The following SUSD1 variants were observed in gnomAD, a reference collection of about 807,000 sequenced individuals.
The protein encoded by SUSD1 is sushi domain-containing protein 1.
SUSD1 carries 65 observed loss-of-function variants against 86.9 expected under a neutral mutation model. The ratio of observed to expected loss-of-function variants is 0.75; its 90% confidence interval spans 0.61 to 0.92. SUSD1 has a LOEUF of 0.92. Ranked by LOEUF, SUSD1 falls within the 40% of genes least tolerant of loss-of-function variation. SUSD1 has a pLI of 0.00. For synonymous variants in SUSD1, 346 were observed against 350.0 expected, an observed-to-expected ratio of 0.99 and a Z score of 0.13; for missense variants, 850 against 929.7, an observed-to-expected ratio of 0.91 and a Z score of 1.11.
chr9:112,100,811 G>A (rs1009928951), intron 9 of SUSD1, among the ~76,000 whole-genome samples: 3 of 147,666 alleles, frequency 2.0e-5, no homozygotes, highest in African/African-American at 2.5e-5. Context: ...CAGCCTGGAC[G>A]ACAGAGCAAG....
At chr9:112,091,121 G>A (rs971668537) in intron 10 of SUSD1, among the ~76,000 whole-genome samples, 8 of 152,202 alleles carry the variant, frequency 5.3e-5, no homozygotes, top group Non-Finnish European at 1.0e-4. Flanking sequence ...TATATTCCAT[G>A]TAAAATATAT....
chr9:112,104,352 T>C (rs889631969), intron 8 of SUSD1, among the ~76,000 whole-genome samples: 1 of 151,676 alleles, frequency 6.6e-6, no homozygotes, highest in Non-Finnish European at 1.5e-5. Context: ...ACAAGGTATA[T>C]ATTAAAAAAA....
At position 112,157,574 on chromosome 9, in the gene SUSD1, C is replaced by T. The variant is rs754073868; in HGVS notation, c.143G>A (p.Cys48Tyr). The change falls in exon 2 of 17, where the codon TGC becomes TAC. Residue 48 changes from cysteine to tyrosine, a missense_variant. Physicochemically the swap from Cys to Tyr is radical, Grantham distance 194. Transcript: ENST00000374270. ...VCATCHEHATCQQREGKKICI... is the reference protein window; with the variant it reads ...VCATCHEHATYQQREGKKICI... ...GATCTTCTTCCCTTCTCTTTGCTGG[C>T]ATGTGGCATGTTCATGGCAAGTGGC... is the stretch of plus-strand genomic sequence containing the variant. 1.2e-6 allele frequency: 2 copies of T among 1,614,156 alleles called. No homozygotes were observed. Among genetic ancestry groups the T allele is most frequent in the Non-Finnish European group, 1.7e-6 (2 of 1,180,020 alleles).
At chr9:112,072,369 G>C (rs115655240) in intron 12 of SUSD1, among the ~76,000 whole-genome samples, 3 of 151,676 alleles carry the variant, frequency 2.0e-5, no homozygotes, top group Non-Finnish European at 2.9e-5. Context: ...GGCTGGTCTC[G>C]AACTCACCCA....
At chr9:112,073,736 T>G (rs892625852) in intron 12 of SUSD1, among the ~76,000 whole-genome samples, 1 of 151,344 alleles carries the variant, frequency 6.6e-6, no homozygotes, top group Admixed American at 6.6e-5. Flanking sequence ...AAAAATATAT[T>G]TTTAAAATTA....
chr9:112,136,424 A>G (rs1162367579), intron 5 of SUSD1, among the ~76,000 whole-genome samples: 1 of 152,146 alleles, frequency 6.6e-6, no homozygotes, highest in Non-Finnish European at 1.5e-5. Context: ...CGTAGAGACA[A>G]GGTCTCACTA....
At chr9:112,058,742 T>C (rs1483611820) in intron 13 of SUSD1, 56 bp from the exon 14 acceptor site, 2 of 1,582,664 alleles carry the variant, frequency 1.3e-6, no homozygotes, top group African/African-American at 2.7e-5. Context: ...GTTCATTCAT[T>C]CATTCATATT....
intron 12 of SUSD1, among the ~76,000 whole-genome samples, chr9:112,074,426 C>T (rs1039335989): frequency 5.9e-5 from 9 of 152,148 alleles, no homozygotes; most frequent in Non-Finnish European, 8.8e-5. Flanking sequence ...AGCTCCATCT[C>T]ACCCACCCCC....
At chr9:112,043,732 A>G (rs1827840696) in intron 15 of SUSD1, among the ~76,000 whole-genome samples, 1 of 152,186 alleles carries the variant, frequency 6.6e-6, no homozygotes. Flanking sequence ...GGTTGCTTTT[A>G]GTCTATAGAA....
At position 112,056,340 on chromosome 9, in the gene SUSD1, T is replaced by C. The variant is rs145675707; in HGVS notation, c.2109+2088A>G. Among the ~76,000 whole-genome samples, 156 of 151,774 alleles carry C rather than the reference T, an allele frequency of 1.0e-3. 1 individual carries two copies. The highest frequency in any genetic ancestry group is 3.6e-3 in the African/African-American group (151 of 41,378). On this transcript the variant is annotated intron_variant, in intron 14 of 16. Coordinates refer to ENST00000374270, the MANE Select transcript of SUSD1 (RefSeq NM_022486.5). ...AAGGAAGGAATGGGGAGTCATTTAA[T>C]GGGTATAAAGTTTGTTCTGCAAGAT... is the stretch of plus-strand genomic sequence containing the variant.
At chr9:112,072,013 A>G (rs2762499) in intron 12 of SUSD1, among the ~76,000 whole-genome samples, 17,630 of 152,210 alleles carry the variant, frequency 0.12, 1,120 homozygotes, top group East Asian at 0.23. Flanking sequence ...TTCTTTTCAC[A>G]TGTACATCCT....
Position 112,111,819 on chromosome 9 carries a change from A to T in SUSD1, c.1006T>A (p.Leu336Met). 6.2e-7 allele frequency: 1 copy of T among 1,613,944 alleles called. No individual in the cohort carries two copies. Reference sequence around the variant, plus strand: ...TCACGAACTGATTCCATAGGGTCCAACCGTTGTCCTTTTATGGATATCTTT... The same window carrying T: ...TCACGAACTGATTCCATAGGGTCCATCCGTTGTCCTTTTATGGATATCTTT... ...SYVISIKGQR[L>M]DPMESVREET... Residue 336 changes from leucine (L) to methionine (M), a missense_variant, in exon 8 of 17, where the codon TTG becomes ATG. By Grantham distance (15) the Leu-to-Met change is conservative. Coordinates refer to ENST00000374270, the MANE Select transcript of SUSD1 (RefSeq NM_022486.5).
intron 2 of SUSD1, among the ~76,000 whole-genome samples, chr9:112,153,368 G>A (rs1192358629): frequency 1.3e-5 from 2 of 152,000 alleles, no homozygotes; most frequent in African/African-American, 2.4e-5. Flanking sequence ...ACTGTCTTCC[G>A]CTTCCACATC....
chr9:112,124,281 T>A lies in SUSD1; in HGVS notation c.862A>T (p.Arg288Ter), dbSNP rs17855023. 3.1e-6 allele frequency: 5 copies of A among 1,613,808 alleles called. No individual in the cohort carries two copies. In the South Asian group the frequency reaches 3.3e-5, roughly 11 times the overall value. The change falls in exon 6 of 17, where the codon AGA (arginine) becomes TGA (stop). Residue 288 changes from arginine to a stop codon, truncating the protein, a stop_gained. Coordinates refer to ENST00000374270, the MANE Select transcript of SUSD1 (RefSeq NM_022486.5). LOFTEE classifies it high-confidence loss of function. ...TSVCTEKGTW[R>*]ESTLTCTEIL... ...CCTGTGCATGTTAAAGTACTTTCTC[T>A]CCAGGTGCCTTTCTCTGTGCAAACA...
At chr9:112,166,330 C>T (rs1469106001) in intron 1 of SUSD1, among the ~76,000 whole-genome samples, 4 of 152,144 alleles carry the variant, frequency 2.6e-5, no homozygotes, top group African/African-American at 9.7e-5. Context: ...GTCCTGTGTC[C>T]CAGGAAACCC....
intron 10 of SUSD1, among the ~76,000 whole-genome samples, chr9:112,087,972 T>C (rs1830052458): frequency 6.6e-6 from 1 of 152,200 alleles, no homozygotes; most frequent in South Asian, 2.1e-4. Context: ...CCTCAGGGTC[T>C]TCACTCAAAG....
chr9:112,116,091 T>C (rs1831313261), intron 6 of SUSD1, among the ~76,000 whole-genome samples: 1 of 152,188 alleles, frequency 6.6e-6, no homozygotes, highest in Non-Finnish European at 1.5e-5. Flanking sequence ...CCAGCCCTCA[T>C]CTTCTCTCTG....
intron 13 of SUSD1, 83 bp from the exon 14 acceptor site, chr9:112,058,769 TGA>T: frequency 2.0e-6 from 3 of 1,523,290 alleles, no homozygotes; most frequent in Non-Finnish European, 2.7e-6. Context: ...GCACCTGCTA[TGA>T]GACAAACCTC....
chr9:112,075,994 A>G (rs917223599), intron 12 of SUSD1, among the ~76,000 whole-genome samples: 2 of 152,198 alleles, frequency 1.3e-5, no homozygotes, highest in Admixed American at 6.5e-5. Flanking sequence ...GCTGATGCTT[A>G]ATGGGAAAGG....
Sources: gnomAD v4.1 joint callset for allele counts (sites outside exome capture counted in the v4.1 genomes callset) on GRCh38, gnomAD v4.1.1 for gene constraint, MANE v1.5 for transcripts, NCBI Gene and HGNC (gene_info 2026-07-23, HGNC 2026-07-21) for gene names.